Variants in PCDH19 observed in about 807,000 individuals in gnomAD.
The protein encoded by PCDH19 is protocadherin 19, also known as protocadherin-19.
In PCDH19, 6 loss-of-function variants were observed where a neutral mutation model predicts 46.2. The observed-to-expected ratio is 0.13, with a 90% CI of 0.07 to 0.26. PCDH19 has a LOEUF of 0.26. PCDH19 is among the 10% of genes least tolerant of loss of function. The pLI is 1.00. For synonymous variants in PCDH19, 481 were observed against 415.7 expected (o/e 1.16, Z -1.91); for missense variants, 740 against 972.3 (o/e 0.76, Z 3.18).
intron 3 of PCDH19, among the ~76,000 whole-genome samples, chrX:100,387,413 G>T (rs2147521265): frequency 9.0e-6 from 1 of 111,657 alleles, no homozygotes; most frequent in Non-Finnish European, 1.9e-5. Context: ...TGTTCCACAT[G>T]GTTGGGGCTA....
intron 5 of PCDH19, among the ~76,000 whole-genome samples, chrX:100,333,187 AAGAAAGAAAG>A (rs1925963840): frequency 1.2e-4 from 3 of 24,242 alleles, no homozygotes; most frequent in Admixed American, 1.2e-3. Flanking sequence ...GAGAGAGAGA[AAGAAAGAAAG>A]AAAGAAAGAA....
chrX:100,329,919 CAAACAAAA>C (rs1925823564), intron 5 of PCDH19, among the ~76,000 whole-genome samples: 1 of 111,246 alleles, frequency 9.0e-6, no homozygotes, highest in Admixed American at 9.5e-5. Flanking sequence ...TTAAAACAAA[CAAACAAAA>C]AAAGAACTAA....
intron 3 of PCDH19, among the ~76,000 whole-genome samples, chrX:100,354,700 A>G (rs1022577116): frequency 2.7e-5 from 3 of 111,257 alleles, no homozygotes; most frequent in African/African-American, 9.8e-5. Flanking sequence ...TTTTTTTTGC[A>G]TGAATGTATT....
At chrX:100,359,811 A>ATGTG (rs1328985698) in intron 3 of PCDH19, among the ~76,000 whole-genome samples, 1 of 63,087 alleles carries the variant, frequency 1.6e-5, no homozygotes. Flanking sequence ...GTGTGTGTGT[A>ATGTG]TGTGTGTGTG....
chrX:100,404,610 CTCT>C (rs1350376663), intron 1 of PCDH19, among the ~76,000 whole-genome samples: 141 of 64,243 alleles, frequency 2.2e-3, no homozygotes, highest in African/African-American at 8.2e-3. Flanking sequence ...CTGAGATTTA[CTCT>C]TTTTTTTTTT....
At position 100,406,829 on chromosome X, in the gene PCDH19, A is replaced by C; in HGVS notation, c.1769T>G (p.Val590Gly). 1 of 1,211,642 alleles carries C rather than the reference A, an allele frequency of 8.3e-7. No homozygotes were observed. The highest frequency in any genetic ancestry group is 1.1e-6 in the Non-Finnish European group (1 of 895,504). ...NSGIGYLVTV[V>G]KAEDYDEGEN... The stretch of plus-strand genomic sequence containing the variant: ...GCCCTCATCGTAGTCTTCTGCCTTG[A>C]CAACAGTCACCAGGTAGCCTATGCC... Residue 590 changes from valine (V) to glycine (G), a missense_variant, in exon 1 of 6, where the codon GTC becomes GGC. Val to Gly is a moderately radical substitution (Grantham distance 109). Around this residue, in one of 5 missense-constraint regions of PCDH19, gnomAD observed 416 missense variants for 476.8 expected, o/e 0.87. Coordinates refer to ENST00000373034, the MANE Select transcript of PCDH19 (RefSeq NM_001184880.2).
intron 3 of PCDH19, among the ~76,000 whole-genome samples, chrX:100,385,158 C>T (rs1420772353): frequency 1.1e-5 from 1 of 93,035 alleles, no homozygotes; most frequent in Non-Finnish European, 2.1e-5. Flanking sequence ...GACTCTGTCT[C>T]CAAAAAAAAA....
chrX:100,347,013 A>G (rs949565458), intron 4 of PCDH19, among the ~76,000 whole-genome samples: 5 of 110,825 alleles, frequency 4.5e-5, no homozygotes, highest in Non-Finnish European at 7.6e-5. Flanking sequence ...TGATTTGTTA[A>G]TCTGGGGCCC....
At chrX:100,359,395 GA>G (rs1188775570) in intron 3 of PCDH19, among the ~76,000 whole-genome samples, 1 of 112,136 alleles carries the variant, frequency 8.9e-6, no homozygotes, top group African/African-American at 3.2e-5. Flanking sequence ...CCTACTCACA[GA>G]GCCCAAGGGA....
At chrX:100,364,666 AG>A (rs1352748558) in intron 3 of PCDH19, among the ~76,000 whole-genome samples, 3 of 112,183 alleles carry the variant, frequency 2.7e-5, no homozygotes, top group Non-Finnish European at 5.6e-5. Context: ...GAACTCCTTA[AG>A]GGCAAGAACC....
chrX:100,315,453 T>C (rs943607306), intron 5 of PCDH19, among the ~76,000 whole-genome samples: 40 of 112,574 alleles, frequency 3.6e-4, no homozygotes, highest in African/African-American at 1.3e-3. Flanking sequence ...GGTCCTCTCC[T>C]GTCCTTCACG....
chrX:100,338,341 C>CAA (rs1192568481), intron 5 of PCDH19, among the ~76,000 whole-genome samples: 89 of 35,495 alleles, frequency 2.5e-3, no homozygotes, highest in African/African-American at 4.1e-3. Flanking sequence ...GACTCCGTCT[C>CAA]AAAAAAAAAA....
At chrX:100,323,747 A>AACC (rs1925592732) in intron 5 of PCDH19, among the ~76,000 whole-genome samples, 1 of 111,586 alleles carries the variant, frequency 9.0e-6, no homozygotes, top group Admixed American at 9.5e-5. Context: ...GGGAAGACTG[A>AACC]ACCACTAAAA....
intron 3 of PCDH19, among the ~76,000 whole-genome samples, chrX:100,351,358 G>A (rs1332483177): frequency 8.9e-6 from 1 of 112,831 alleles, no homozygotes; most frequent in Admixed American, 9.3e-5. Flanking sequence ...CCTATCATTA[G>A]AGCACCCCTG....
intron 3 of PCDH19, among the ~76,000 whole-genome samples, chrX:100,354,404 A>T (rs916695355): frequency 8.9e-6 from 1 of 111,953 alleles, no homozygotes; most frequent in African/African-American, 3.2e-5. Flanking sequence ...GTCACCAAGG[A>T]CCCACTCCAA....
chrX:100,295,113 T>C lies in PCDH19; in HGVS notation c.*1164A>G, dbSNP rs1057368783. On this transcript the variant is annotated 3_prime_UTR_variant, in exon 6 of 6. Transcript: ENST00000373034. ...TATCCCTACGTATATAAGCCTAAGA[T>C]ACAGAGCAACATGGAGTTCTCAATC... is the stretch of plus-strand genomic sequence containing the variant. 4.5e-5 allele frequency: 5 copies of C among 112,301 alleles called. No individual in the cohort carries two copies. The highest frequency in any genetic ancestry group is 2.8e-4 in the East Asian group (1 of 3,556). The allele number at this position is 112,301 out of a possible 1,213,427, so 9.3% of individuals were successfully genotyped here.
chrX:100,374,630 T>C (rs1212764605), intron 3 of PCDH19, among the ~76,000 whole-genome samples: 2 of 112,041 alleles, frequency 1.8e-5, no homozygotes, highest in African/African-American at 6.5e-5. Context: ...AGTCTTGGAT[T>C]CAAAAGAAGA....
At chrX:100,394,972 C>CCGCCTCCCGGGTT (rs1250328148) in intron 3 of PCDH19, among the ~76,000 whole-genome samples, 3 of 105,916 alleles carry the variant, frequency 2.8e-5, no homozygotes, top group Non-Finnish European at 5.8e-5. Flanking sequence ...ACTGCAAGCT[C>CCGCCTCCCGGGTT]CGCCTCCCGG....
intron 5 of PCDH19, among the ~76,000 whole-genome samples, chrX:100,338,267 G>A (rs1009976697): frequency 2.9e-5 from 3 of 103,998 alleles, no homozygotes; most frequent in Admixed American, 1.0e-4. Flanking sequence ...GCGTGAACCC[G>A]GGAGGCGGAG....
Sources: gnomAD v4.1 joint callset for allele counts (sites outside exome capture counted in the v4.1 genomes callset) on GRCh38, gnomAD v4.1.1 for gene constraint, gnomAD v4.1.1 regional missense constraint, MANE v1.5 for transcripts, NCBI Gene and HGNC (gene_info 2026-07-23, HGNC 2026-07-21) for gene names.